CCDC33: variants seen among roughly 807,000 people sequenced by gnomAD.
The protein encoded by CCDC33 is coiled-coil domain-containing protein 33.
A neutral mutation model predicts 91.9 loss-of-function variants in CCDC33; 94 were observed. The ratio of observed to expected loss-of-function variants is 1.02; its 90% CI spans 0.87 to 1.21. CCDC33 has a LOEUF of 1.21. Among genes scored for constraint, CCDC33 ranks in the 50% most tolerant of loss-of-function variants. The probability of loss-of-function intolerance (pLI) is 0.00; values close to 1 mark genes in which losing one functional copy is unlikely to be tolerated. For synonymous variants in CCDC33, 396 were observed against 374.5 expected, an observed-to-expected ratio of 1.06 and a Z score of -0.66; for missense variants, 940 against 935.5, an observed-to-expected ratio of 1.00 and a Z score of -0.06.
Position 74,244,190 on chromosome 15 carries a change from C to A in CCDC33, c.185+42C>A, listed in dbSNP as rs751922428. 6.3e-7 allele frequency: 1 copy of A among 1,579,760 alleles called. No individual in the cohort carries two copies. Among genetic ancestry groups the A allele is most frequent in the South Asian group, 1.2e-5 (1 of 86,668 alleles). On this transcript the variant is annotated intron_variant, in intron 2 of 18. Coordinates refer to ENST00000398814, the MANE Select transcript of CCDC33 (RefSeq NM_025055.5). The surrounding 1 kb of genome is among the most constrained non-coding windows in gnomAD (Gnocchi z 4.2). Reference sequence around the variant, plus strand: ...GAGTGGGGGCAGGGGATGGGTTGGGCTGTGAGCAGAAACCAGGGGACAGCT... The same window carrying A: ...GAGTGGGGGCAGGGGATGGGTTGGGATGTGAGCAGAAACCAGGGGACAGCT...
chr15:74,211,178 CACA>C (rs1567205327), intron 2 of CCDC33, among the ~76,000 whole-genome samples: 59 of 147,272 alleles, frequency 4.0e-4, no homozygotes, highest in Admixed American at 1.4e-3. Flanking sequence ...CACACACACA[CACA>C]CCTCACTGCT....
chr15:74,261,059 C>G (rs1321059528), intron 2 of CCDC33, among the ~76,000 whole-genome samples: 2 of 152,176 alleles, frequency 1.3e-5, no homozygotes, highest in Non-Finnish European at 2.9e-5. Context: ...ACACAGCTGG[C>G]ACGGGGTAGA....
Position 74,245,979 on chromosome 15 carries a change from G to C in CCDC33, c.185+1831G>C, listed in dbSNP as rs78972711. On this transcript the variant is annotated intron_variant, in intron 2 of 18. Coordinates refer to ENST00000398814, the MANE Select transcript of CCDC33 (RefSeq NM_025055.5). The stretch of plus-strand genomic sequence containing the variant: ...TGTCAGGACCTGAAGGGGGCTTTCA[G>C]TGCTCACCCCCAGCCCCAGGCAGAA... Among the ~76,000 whole-genome samples the C allele has an allele frequency of 6.1e-4, 93 of 152,252 alleles. No individual in the cohort carries two copies. In the East Asian group the frequency reaches 0.017, roughly 28 times the overall value.
chr15:74,208,029 C>T (rs1188276024), intron 1 of CCDC33: 4 of 1,366,714 alleles, frequency 2.9e-6, no homozygotes, highest in Non-Finnish European at 3.8e-6. Context: ...CTCATGCCCC[C>T]CTCACCAACA....
intron 15 of CCDC33, 48 bp downstream of exon 15, chr15:74,331,344 C>T (rs1485226548): frequency 6.3e-7 from 1 of 1,577,608 alleles, no homozygotes; most frequent in Admixed American, 1.7e-5. Context: ...CTGCTCCACC[C>T]CTGGAGGCCC....
intron 2 of CCDC33, among the ~76,000 whole-genome samples, chr15:74,230,329 A>AC (rs2074930484): frequency 6.6e-6 from 1 of 151,656 alleles, no homozygotes; most frequent in East Asian, 1.9e-4. Flanking sequence ...CTCTGAGTAG[A>AC]CCCCCCACCC....
intron 5 of CCDC33, 28 bp downstream of exon 5, chr15:74,268,486 G>GT (rs758925486): frequency 3.4e-6 from 5 of 1,452,092 alleles, no homozygotes; most frequent in East Asian, 2.4e-5. Context: ...CTCTGGGGTG[G>GT]TGGTGGGGGT....
rs923679583 is a variant in CCDC33, at chr15:74,230,099, A to G, written c.675+11238A>G. Among the ~76,000 whole-genome samples, 3 of 152,358 alleles carry G rather than the reference A, an allele frequency of 2.0e-5. No individual in the cohort carries two copies. In the South Asian group the frequency reaches 6.2e-4, roughly 32 times the overall value. On this transcript the variant is annotated intron_variant, in intron 2 of 2. Transcript: ENST00000635913. ...GCTGGAGAGACCACTGCTCCTTCACAGGGACCACAGGCATGTCATGAGTGT... is the reference window on the plus strand; with the variant it reads ...GCTGGAGAGACCACTGCTCCTTCACGGGGACCACAGGCATGTCATGAGTGT...
rs1369810046 is a variant in CCDC33, at chr15:74,316,689, C to A, written c.1291-13500C>A. Among the ~76,000 whole-genome samples the A allele has an allele frequency of 6.6e-6, 1 of 152,104 alleles. No homozygotes were observed. Among genetic ancestry groups the A allele is most frequent in the Non-Finnish European group, 1.5e-5 (1 of 67,996 alleles). ...CCAGGGAGGATGGCCGACTCCACCACGGGCCTCCCTTTCATTTCCCTGGAG... is the reference window on the plus strand; with the variant it reads ...CCAGGGAGGATGGCCGACTCCACCAAGGGCCTCCCTTTCATTTCCCTGGAG... On this transcript the variant is annotated intron_variant, in intron 11 of 18. Coordinates refer to ENST00000398814, the MANE Select transcript of CCDC33 (RefSeq NM_025055.5). This position sits in a 1 kb window ranked among gnomAD's most constrained non-coding sequence, Gnocchi z 4.7.
intron 11 of CCDC33, among the ~76,000 whole-genome samples, chr15:74,322,501 C>T (rs2060227098): frequency 6.6e-6 from 1 of 152,346 alleles, no homozygotes; most frequent in Non-Finnish European, 1.5e-5. Context: ...AGGATAGAGG[C>T]CCCAGGTTCA....
In CCDC33 at chr15:74,280,001, G is replaced by A. The variant is rs2076549570; in HGVS notation, c.798G>A (p.Trp266Ter). Residue 266 changes from tryptophan (W) to a stop codon, truncating the protein, a stop_gained, in exon 8 of 19, where the codon TGG (tryptophan) becomes TGA (stop). Transcript: ENST00000398814. LOFTEE classifies it high-confidence loss of function. ...GGGGACCCCCAGAGCAGCCCCTGTGGAATCAGTCCTTCCTCTTCCAAGGCC... is the reference window on the plus strand; with the variant it reads ...GGGGACCCCCAGAGCAGCCCCTGTGAAATCAGTCCTTCCTCTTCCAAGGCC... ...KPGGPPEQPLWNQSFLFQGRD... is the reference protein window; with the variant it reads ...KPGGPPEQPL 6.2e-7 allele frequency: 1 copy of A among 1,614,156 alleles called. No individual in the cohort carries two copies. Among genetic ancestry groups the A allele is most frequent in the Non-Finnish European group, 8.5e-7 (1 of 1,180,010 alleles).
At chr15:74,257,663 C>G (rs995555031) in intron 2 of CCDC33, among the ~76,000 whole-genome samples, 3 of 152,244 alleles carry the variant, frequency 2.0e-5, no homozygotes, top group Non-Finnish European at 4.4e-5. Context: ...AGCCAAACAG[C>G]CCCCCTCAAG....
intron 11 of CCDC33, among the ~76,000 whole-genome samples, chr15:74,326,763 G>T (rs2060317812): frequency 6.6e-6 from 1 of 152,226 alleles, no homozygotes; most frequent in South Asian, 2.1e-4. Context: ...GCTGGTGCCT[G>T]ACCCTCCCCC....
At chr15:74,209,423 A>C (rs1236815842) in exon 2 of CCDC33, 27 of 1,535,488 alleles carry the variant, frequency 1.8e-5, no homozygotes, top group Non-Finnish European at 2.4e-5. Context: ...GAGGGGAACC[A>C]CCAGCTCGGC....
intron 11 of CCDC33, among the ~76,000 whole-genome samples, chr15:74,297,363 G>A (rs945187123): frequency 1.3e-5 from 2 of 152,168 alleles, no homozygotes; most frequent in Non-Finnish European, 1.5e-5. Context: ...TCCTGGCCTC[G>A]TGGTTCCCCC....
chr15:74,286,240 T>C (rs1238819508), intron 10 of CCDC33, among the ~76,000 whole-genome samples: 2 of 152,084 alleles, frequency 1.3e-5, no homozygotes, highest in East Asian at 3.9e-4. Flanking sequence ...AGCAAGACTG[T>C]GTCTCAAAAA....
At position 74,207,835 on chromosome 15, in the gene CCDC33, G is replaced by A. The variant is rs146556034; in HGVS notation, n.90-1553G>A. 2.6e-4 allele frequency: 405 copies of A among 1,533,670 alleles called. 1 individual carries two copies. The African/African-American group carries it at 5.0e-3, about 19-fold the overall frequency. On this transcript the variant is annotated intron_variant and non_coding_transcript_variant, in intron 1 of 3. Transcript: ENST00000558645. ...ATCCAACTGCCCTTCGCACACATAC[G>A]TGCTTAATTCTGGCACCAGACCAAG...
rs2059343565 is a variant in CCDC33, at chr15:74,280,714, T to G, written c.936T>G (p.Ser312=). The G allele has an allele frequency of 1.2e-5, 19 of 1,567,008 alleles. No individual in the cohort carries two copies. The East Asian group carries it at 4.6e-4, about 38-fold the overall frequency. Residue 312 remains serine, a synonymous_variant, in exon 9 of 19, where the codon TCT becomes TCG. Coordinates refer to ENST00000398814, the MANE Select transcript of CCDC33 (RefSeq NM_025055.5). ...CCCTCAACCAGCCCCTGGGCATCTC[T>G]GTGTTGCCGCTAAAGAGCCGTTTGT... ...PWTLNQPLGI[S]VLPLKSRLYQ... is the part of the protein sequence containing the mutation.
At chr15:74,245,126 A>G (rs1334581515) in intron 2 of CCDC33, among the ~76,000 whole-genome samples, 2 of 152,166 alleles carry the variant, frequency 1.3e-5, no homozygotes, top group African/African-American at 4.8e-5. Flanking sequence ...GGTCTGAAGC[A>G]CTTTATATCA....
Sources: allele counts gnomAD v4.1 joint callset (sites outside exome capture counted in the v4.1 genomes callset), GRCh38; gene constraint gnomAD v4.1.1; non-coding constraint Gnocchi (gnomAD v3.1); transcripts MANE v1.5; gene names NCBI Gene and HGNC (gene_info 2026-07-23, HGNC 2026-07-21).